FAM234B: variants seen among roughly 807,000 people sequenced by gnomAD.
The protein encoded by FAM234B is protein FAM234B.
In FAM234B, 33 loss-of-function variants were observed where a neutral mutation model predicts 69.3. The observed-to-expected ratio is 0.48, with a 90% CI of 0.36 to 0.64. The LOEUF is 0.64. Ranked by LOEUF, FAM234B falls within the 30% of genes least tolerant of loss-of-function variation. The probability of loss-of-function intolerance (pLI) is 0.00; values close to 1 mark genes in which losing one functional copy is unlikely to be tolerated. For missense variants in FAM234B, 697 were observed against 769.7 expected (o/e 0.91, Z 1.12); for synonymous variants, 306 against 306.9 (o/e 1.00, Z 0.03).
rs1865245790 is a variant in FAM234B at position 13,082,426 on chromosome 12, G to A, written c.*1796G>A. The A allele has an allele frequency of 6.6e-6, 1 of 152,178 alleles. No homozygotes were observed. The highest frequency in any genetic ancestry group is 2.1e-4 in the South Asian group (1 of 4,820). 9.4% of individuals were successfully genotyped at this position (152,178 alleles called of 1,614,324 possible). A position where few individuals can be genotyped will look rare whatever the true frequency, so the allele number is the denominator to read the frequency against. Reference sequence around the variant, plus strand: ...TGCATGTTGCCTGGCCTGTAGATTGGCCTTATCAGGTTTCTGGGTGCCTCT... The same window carrying A: ...TGCATGTTGCCTGGCCTGTAGATTGACCTTATCAGGTTTCTGGGTGCCTCT... On this transcript the variant is annotated 3_prime_UTR_variant, in exon 13 of 13. Transcript: ENST00000197268.
rs1179639038 is a variant in FAM234B at position 13,076,479 on chromosome 12, A to G, written c.1642+336A>G. ...GCCAGACACTGTGCCAGGTGCTGGG[A>G]CTACAAATAAGACTAGTTTCTTGAC... is the stretch of plus-strand genomic sequence containing the variant. On this transcript the variant is annotated intron_variant, in intron 11 of 12. Transcript: ENST00000197268. Among the ~76,000 whole-genome samples, 3 of 152,244 alleles carry G rather than the reference A, an allele frequency of 2.0e-5. No homozygotes were observed. The East Asian group carries it at 5.8e-4, about 29-fold the overall frequency.
intron 4 of FAM234B, chr12:13,062,597 C>T (rs1361503722): frequency 2.8e-6 from 1 of 361,380 alleles, no homozygotes; most frequent in Non-Finnish European, 5.1e-6. Flanking sequence ...TTAGCACCTC[C>T]ATTTTATCTA....
chr12:13,048,405 T>G (rs894655453), intron 1 of FAM234B, among the ~76,000 whole-genome samples: 2 of 152,210 alleles, frequency 1.3e-5, no homozygotes, highest in Non-Finnish European at 2.9e-5. Context: ...TCTGAATCAG[T>G]TTTTCTTGGG....
chr12:13,076,354 T>G (rs772619412), intron 11 of FAM234B, among the ~76,000 whole-genome samples: 4 of 152,224 alleles, frequency 2.6e-5, no homozygotes, highest in Non-Finnish European at 5.9e-5. Context: ...CCATATGCTC[T>G]GAATGTGGAG....
Position 13,081,705 on chromosome 12 carries a change from G to A in FAM234B, c.*1075G>A, listed in dbSNP as rs1865229552. 1 of 152,044 alleles carries A rather than the reference G, an allele frequency of 6.6e-6. No individual in the cohort carries two copies. The highest frequency in any genetic ancestry group is 1.5e-5 in the Non-Finnish European group (1 of 68,004). The allele number at this position is 152,044 out of a possible 1,614,324, so 9.4% of individuals were successfully genotyped here. ...GAGCCTTTGAAGCATTGTATTTTGGGAAAATTCTTCTGTAAATACTATAAC... is the reference window on the plus strand; with the variant it reads ...GAGCCTTTGAAGCATTGTATTTTGGAAAAATTCTTCTGTAAATACTATAAC... On this transcript the variant is annotated 3_prime_UTR_variant, in exon 13 of 13. Coordinates refer to ENST00000197268, the MANE Select transcript of FAM234B (RefSeq NM_020853.2).
intron 3 of FAM234B, among the ~76,000 whole-genome samples, chr12:13,059,044 C>G (rs1160564438): frequency 1.3e-5 from 2 of 152,348 alleles, no homozygotes; most frequent in East Asian, 1.9e-4. Flanking sequence ...CCATCCTGCT[C>G]TCTGCATGGG....
chr12:13,048,609 T>C (rs975221512), intron 1 of FAM234B, among the ~76,000 whole-genome samples: 1 of 151,382 alleles, frequency 6.6e-6, no homozygotes, highest in Non-Finnish European at 1.5e-5. Context: ...ACGTTGTTTC[T>C]AGTCTTTTTA....
Position 13,044,928 on chromosome 12 carries a change from C to T in FAM234B, c.37+488C>T, listed in dbSNP as rs1864789783. On this transcript the variant is annotated intron_variant, in intron 1 of 12. Coordinates refer to ENST00000197268, the MANE Select transcript of FAM234B (RefSeq NM_020853.2). This position sits in a 1 kb window ranked among gnomAD's most constrained non-coding sequence, Gnocchi z 5.6. ...AGGCAGGTGGGACAGGTATTTACGT[C>T]CCTTCCTAGTTTACAGAAGAGAAAA... Among the ~76,000 whole-genome samples the T allele has an allele frequency of 6.6e-6, 1 of 152,198 alleles. No individual in the cohort carries two copies. The highest frequency in any genetic ancestry group is 1.5e-5 in the Non-Finnish European group (1 of 68,032).
intron 5 of FAM234B, among the ~76,000 whole-genome samples, chr12:13,064,073 A>G (rs1865012319): frequency 6.6e-6 from 1 of 152,224 alleles, no homozygotes; most frequent in Non-Finnish European, 1.5e-5. Flanking sequence ...CCCATCAGTC[A>G]TGAGTTTTGA....
At chr12:13,078,120 G>A (rs553641669) in intron 11 of FAM234B, among the ~76,000 whole-genome samples, 59 of 151,644 alleles carry the variant, frequency 3.9e-4, no homozygotes, top group African/African-American at 1.4e-3. Context: ...GGGGTTGTTT[G>A]TTTTTTTCTT....
Position 13,079,677 on chromosome 12 carries a change from C to T in FAM234B, c.1643-112C>T, listed in dbSNP as rs1380635032. On this transcript the variant is annotated intron_variant, in intron 11 of 12. Transcript: ENST00000197268. ...CCTTCTGTTTATTCAGTGCTCAGTA[C>T]ATTTCCTGTATGAACTTATGAGTAA... 5.7e-6 allele frequency: 4 copies of T among 705,110 alleles called. No homozygotes were observed. The African/African-American group carries it at 7.1e-5, about 13-fold the overall frequency. The allele number at this position is 705,110 out of a possible 1,614,324, so 43.7% of individuals were successfully genotyped here. A position where few individuals can be genotyped will look rare whatever the true frequency, so the allele number is the denominator to read the frequency against.
At position 13,082,455 on chromosome 12, in the gene FAM234B, T is replaced by G. The variant is rs1865246397; in HGVS notation, c.*1825T>G. On this transcript the variant is annotated 3_prime_UTR_variant, in exon 13 of 13. Transcript: ENST00000197268. ...TATCAGGTTTCTGGGTGCCTCTGCCTTAAGATCCTGAAGGCAAATTTTGTT... is the reference window on the plus strand; with the variant it reads ...TATCAGGTTTCTGGGTGCCTCTGCCGTAAGATCCTGAAGGCAAATTTTGTT... 6.6e-6 allele frequency: 1 copy of G among 152,222 alleles called. No homozygotes were observed. The highest frequency in any genetic ancestry group is 1.5e-5 in the Non-Finnish European group (1 of 68,034). 9.4% of individuals were successfully genotyped at this position (152,222 alleles called of 1,614,324 possible).
At chr12:13,073,423 C>T (rs1472493265) in intron 10 of FAM234B, among the ~76,000 whole-genome samples, 1 of 152,246 alleles carries the variant, frequency 6.6e-6, no homozygotes. Context: ...GTCTGGTCAA[C>T]AAGCAAAATG....
intron 3 of FAM234B, 25 bp from the exon 4 acceptor site, chr12:13,061,550 T>A: frequency 3.8e-6 from 6 of 1,583,258 alleles, no homozygotes; most frequent in Non-Finnish European, 5.2e-6. Context: ...GCTTTCCTTT[T>A]TTTATCTCTC....
chr12:13,056,979 T>C (rs1277991925), intron 2 of FAM234B, among the ~76,000 whole-genome samples: 1 of 118,952 alleles, frequency 8.4e-6, no homozygotes, highest in African/African-American at 3.9e-5. Flanking sequence ...TGTGAACTGC[T>C]TTTTTTTTTT....
intron 1 of FAM234B, among the ~76,000 whole-genome samples, chr12:13,048,900 A>G (rs1864842404): frequency 6.6e-6 from 1 of 152,240 alleles, no homozygotes; most frequent in Non-Finnish European, 1.5e-5. Flanking sequence ...GAACCAAGCG[A>G]AACAGGGTTC....
chr12:13,075,433 C>CTTTTTTTT (rs59012504), intron 10 of FAM234B, among the ~76,000 whole-genome samples: 5 of 137,504 alleles, frequency 3.6e-5, no homozygotes, highest in Non-Finnish European at 6.2e-5. Context: ...CTTTTCTTTT[C>CTTTTTTTT]TTTTTTTTTT....
intron 11 of FAM234B, among the ~76,000 whole-genome samples, chr12:13,077,822 T>A (rs1288338243): frequency 6.6e-6 from 1 of 152,186 alleles, no homozygotes; most frequent in African/African-American, 2.4e-5. Flanking sequence ...GTATTTCTAG[T>A]TCTAGATCCC....
At position 13,044,575 on chromosome 12, in the gene FAM234B, G is replaced by A. The variant is rs1864781169; in HGVS notation, c.37+135G>A. The A allele has an allele frequency of 1.1e-6, 1 of 937,602 alleles. No individual in the cohort carries two copies. Among genetic ancestry groups the A allele is most frequent in the East Asian group, 2.7e-5 (1 of 37,322 alleles). The allele number at this position is 937,602 out of a possible 1,614,324, so 58.1% of individuals were successfully genotyped here. Reference sequence around the variant, plus strand: ...CTGCAGGCGCCCGGTGCCGAGGAGGGTGCAGTCCCTTGGGGCTGGGGTCTC... The same window carrying A: ...CTGCAGGCGCCCGGTGCCGAGGAGGATGCAGTCCCTTGGGGCTGGGGTCTC... On this transcript the variant is annotated intron_variant, in intron 1 of 12. Transcript: ENST00000197268. The surrounding 1 kb of genome is among the most constrained non-coding windows in gnomAD (Gnocchi z 5.6).
Sources: gnomAD v4.1 joint callset for allele counts (sites outside exome capture counted in the v4.1 genomes callset) on GRCh38, gnomAD v4.1.1 for gene constraint, Gnocchi (gnomAD v3.1) non-coding constraint, MANE v1.5 for transcripts, NCBI Gene and HGNC (gene_info 2026-07-23, HGNC 2026-07-21) for gene names.